Variants in ODAD2 observed in about 807,000 individuals in gnomAD.
ODAD2 encodes the protein outer dynein arm-docking complex subunit 2.
Under a neutral mutation model 106.8 loss-of-function variants are expected in ODAD2, and 89 were observed. The observed-to-expected ratio is 0.83, with a 90% confidence interval of 0.70 to 0.99. ODAD2 has a LOEUF of 0.99. ODAD2 is among the 50% of genes least tolerant of loss of function. The pLI is 0.00. For missense variants in ODAD2, 1,168 were observed against 1,238.5 expected (o/e 0.94, Z 0.85); for synonymous variants, 404 against 436.2 (o/e 0.93, Z 0.92).
At position 27,980,376 on chromosome 10, in the gene ODAD2, A is replaced by T. The variant is rs1314617390; in HGVS notation, c.936+1090T>A. Among the ~76,000 whole-genome samples the T allele has an allele frequency of 3.3e-5, 5 of 152,188 alleles. No individual in the cohort carries two copies. In the East Asian group the frequency reaches 9.6e-4, roughly 29 times the overall value. ...TAAAAATGTTTCTGCATCAAAGGAC[A>T]CTATCAAGAAAGTTATAAGGCAACC... is the stretch of plus-strand genomic sequence containing the variant. On this transcript the variant is annotated intron_variant, in intron 7 of 19. Transcript: ENST00000305242.
At position 27,971,274 on chromosome 10, in the gene ODAD2, G is replaced by A. The variant is rs1032612529; in HGVS notation, c.976C>T (p.Gln326Ter). The A allele has an allele frequency of 6.2e-7, 1 of 1,612,362 alleles. No individual in the cohort carries two copies. The highest frequency in any genetic ancestry group is 8.5e-7 in the Non-Finnish European group (1 of 1,179,340). The stretch of plus-strand genomic sequence containing the variant: ...TCCTTCTTGGGGGCTTTGCCAAGCT[G>A]ATCCTTTTCCTTTTGCTGGTCTTCA... ...FSEDQQKEKD[Q>*]LGKAPKKEEA... Residue 326 changes from glutamine (Q) to a stop codon, truncating the protein, a stop_gained, in exon 8 of 20, where the codon CAG becomes TAG. Transcript: ENST00000305242. LOFTEE classifies it high-confidence loss of function.
chr10:27,944,467 T>C (rs754541539), intron 11 of ODAD2, 36 bp from the exon 12 acceptor site: 1 of 1,557,726 alleles, frequency 6.4e-7, no homozygotes. Flanking sequence ...GGCGAATATG[T>C]AACCCGTGCT....
chr10:27,924,528 G>A (rs1018420505), intron 16 of ODAD2, among the ~76,000 whole-genome samples: 2 of 108,888 alleles, frequency 1.8e-5, no homozygotes, highest in African/African-American at 6.7e-5. Flanking sequence ...GAAAATAAAA[G>A]AACAGTACAT....
chr10:27,876,475 G>A (rs1841349247), intron 17 of ODAD2, among the ~76,000 whole-genome samples: 2 of 152,234 alleles, frequency 1.3e-5, no homozygotes, highest in Admixed American at 6.5e-5. Context: ...CAGACCTGCA[G>A]CTGAGGGTCC....
At chr10:27,830,452 G>C (rs190086524) in intron 19 of ODAD2, among the ~76,000 whole-genome samples, 1 of 152,320 alleles carries the variant, frequency 6.6e-6, no homozygotes, top group East Asian at 1.9e-4. Flanking sequence ...TTATGTGGCT[G>C]ATAGATAGCC....
At chr10:27,938,645 G>A (rs1649675341) in intron 14 of ODAD2, among the ~76,000 whole-genome samples, 1 of 150,816 alleles carries the variant, frequency 6.6e-6, no homozygotes, top group East Asian at 2.0e-4. Flanking sequence ...ACTGTCTCAG[G>A]CTGAAGTCCA....
intron 19 of ODAD2, among the ~76,000 whole-genome samples, chr10:27,837,965 C>G (rs956443804): frequency 1.3e-5 from 2 of 151,762 alleles, no homozygotes; most frequent in African/African-American, 2.4e-5. Context: ...GACATCTTAC[C>G]CCACGGCGAT....
At chr10:27,837,225 C>T (rs1466866270) in intron 19 of ODAD2, among the ~76,000 whole-genome samples, 1 of 152,236 alleles carries the variant, frequency 6.6e-6, no homozygotes, top group East Asian at 1.9e-4. Context: ...TGGTCCCGTA[C>T]TGGTCACTCA....
At chr10:27,992,435 T>TA (rs2133207450) in intron 2 of ODAD2, among the ~76,000 whole-genome samples, 1 of 152,282 alleles carries the variant, frequency 6.6e-6, no homozygotes, top group East Asian at 1.9e-4. Context: ...AGGTCTGAAA[T>TA]ACCAGCAATT....
At chr10:27,816,460 T>C (rs1363015494) in intron 19 of ODAD2, among the ~76,000 whole-genome samples, 1 of 152,048 alleles carries the variant, frequency 6.6e-6, no homozygotes, top group Non-Finnish European at 1.5e-5. Flanking sequence ...AGGAAATAGA[T>C]TATAGGACTG....
At position 27,819,390 on chromosome 10, in the gene ODAD2, G is replaced by T. The variant is rs7078174; in HGVS notation, c.3022-6765C>A. The stretch of plus-strand genomic sequence containing the variant: ...AGAGAGATATACTATGAAAGATTAA[G>T]GACTTAAAGCTTAATAGTGCATGAT... On this transcript the variant is annotated intron_variant, in intron 19 of 19. Coordinates refer to ENST00000305242, the MANE Select transcript of ODAD2 (RefSeq NM_018076.5). Among the ~76,000 whole-genome samples, 1,358 of 152,074 alleles carry T rather than the reference G, an allele frequency of 8.9e-3. 18 individuals are homozygous for T. The highest frequency in any genetic ancestry group is 0.03 in the African/African-American group (1,257 of 41,472).
At chr10:27,829,906 C>T (rs775537767) in intron 19 of ODAD2, among the ~76,000 whole-genome samples, 35 of 150,432 alleles carry the variant, frequency 2.3e-4, no homozygotes, top group Non-Finnish European at 4.3e-4. Flanking sequence ...AGGACTGGCC[C>T]TAAGCAAGGT....
chr10:27,862,402 A>G, intron 18 of ODAD2, 32 bp downstream of exon 18: 1 of 1,540,380 alleles, frequency 6.5e-7, no homozygotes, highest in East Asian at 2.3e-5. Flanking sequence ...TCAGGACAAT[A>G]TGCATGTAAA....
intron 19 of ODAD2, among the ~76,000 whole-genome samples, chr10:27,813,909 G>A (rs1182526874): frequency 1.3e-5 from 2 of 152,156 alleles, no homozygotes; most frequent in East Asian, 3.8e-4. Context: ...AAATTCAAGC[G>A]ATATTTGGGA....
chr10:27,824,837 A>T (rs1836911548), intron 19 of ODAD2, among the ~76,000 whole-genome samples: 1 of 152,174 alleles, frequency 6.6e-6, no homozygotes, highest in South Asian at 2.1e-4. Context: ...TTGGAAATAG[A>T]TTTCTTGGGG....
chr10:27,971,760 T>C (rs73606023), intron 7 of ODAD2, among the ~76,000 whole-genome samples: 16,426 of 152,116 alleles, frequency 0.11, 1,210 homozygotes, highest in East Asian at 0.28. Context: ...GAGAGTAATA[T>C]CTTTAAAGCA....
At chr10:27,840,964 A>G (rs1458635698) in intron 19 of ODAD2, among the ~76,000 whole-genome samples, 4 of 152,228 alleles carry the variant, frequency 2.6e-5, no homozygotes, top group Non-Finnish European at 5.9e-5. Flanking sequence ...ACAGGGGTAC[A>G]GTGAAGATTA....
chr10:27,925,334 A>C (rs1223216914), intron 16 of ODAD2, among the ~76,000 whole-genome samples: 2 of 152,216 alleles, frequency 1.3e-5, no homozygotes, highest in African/African-American at 4.8e-5. Context: ...GACAAAATTC[A>C]ATTACCAATC....
Position 27,995,009 on chromosome 10 carries a change from T to C in ODAD2, c.134A>G (p.His45Arg), listed in dbSNP as rs1363329437. 6.2e-7 allele frequency: 1 copy of C among 1,614,118 alleles called. No homozygotes were observed. The highest frequency in any genetic ancestry group is 8.5e-7 in the Non-Finnish European group (1 of 1,180,046). The change falls in exon 2 of 20, where the codon CAT (histidine) becomes CGT (arginine). Residue 45 changes from histidine to arginine, a missense_variant. Physicochemically the swap from His to Arg is conservative, Grantham distance 29. Around this residue, in one of 3 missense-constraint regions of ODAD2, gnomAD observed 430 missense variants for 452.2 expected, o/e 0.95. Coordinates refer to ENST00000305242, the MANE Select transcript of ODAD2 (RefSeq NM_018076.5). ...AAAAACAAATTTTGCCTCTTGAGGA[T>C]GTTTATAGATAAAACTCTCCACAAA... ...IVFVESFIYKHPQEAKFVFVE... is the reference protein window; with the variant it reads ...IVFVESFIYKRPQEAKFVFVE...
Sources: gnomAD v4.1 joint callset for allele counts (sites outside exome capture counted in the v4.1 genomes callset) on GRCh38, gnomAD v4.1.1 for gene constraint, gnomAD v4.1.1 regional missense constraint, MANE v1.5 for transcripts, NCBI Gene and HGNC (gene_info 2026-07-23, HGNC 2026-07-21) for gene names.